SMAD5: variants seen among roughly 807,000 people sequenced by gnomAD.
The protein encoded by SMAD5 is MAD, mothers against decapentaplegic homolog 5.
SMAD5 carries 9 observed loss-of-function variants against 43.1 expected under a neutral mutation model. That is an observed-to-expected ratio of 0.21 (90% CI 0.13 to 0.36). The LOEUF (loss-of-function observed/expected upper bound fraction) is 0.36. SMAD5 is among the 10% of genes least tolerant of loss of function. The pLI is 1.00. For synonymous variants in SMAD5, 190 were observed against 192.4 expected (o/e 0.99, Z 0.10); for missense variants, 348 against 574.0 (o/e 0.61, Z 4.02).
chr5:136,167,303 T>C (rs1754051985), intron 5 of SMAD5, among the ~76,000 whole-genome samples: 1 of 152,182 alleles, frequency 6.6e-6, no homozygotes, highest in Non-Finnish European at 1.5e-5. Flanking sequence ...GTATAAACTT[T>C]AAAATCTGAG....
chr5:136,158,682 G>A (rs1753723965), intron 3 of SMAD5, among the ~76,000 whole-genome samples: 1 of 152,108 alleles, frequency 6.6e-6, no homozygotes, highest in Non-Finnish European at 1.5e-5. Flanking sequence ...GGCAGATCAC[G>A]AGGTCAGGAG....
At position 136,180,855 on chromosome 5, in the gene SMAD5, T is replaced by C. The variant is rs1029378395; in HGVS notation, c.*3375T>C. 6.6e-6 allele frequency: 1 copy of C among 152,118 alleles called. No individual in the cohort carries two copies. Among genetic ancestry groups the C allele is most frequent in the African/African-American group, 2.4e-5 (1 of 41,438 alleles). 9.4% of individuals were successfully genotyped at this position (152,118 alleles called of 1,614,324 possible). A position where few individuals can be genotyped will look rare whatever the true frequency, so the allele number is the denominator to read the frequency against. ...TTTCATAACATTTGAGAGTAAGATA[T>C]CCTTCAGGATGTGAAGTGATTATTA... On this transcript the variant is annotated 3_prime_UTR_variant, in exon 8 of 8. Transcript: ENST00000545279.
At position 136,154,066 on chromosome 5, in the gene SMAD5, T is replaced by C. The variant is rs372920894; in HGVS notation, c.306T>C (p.His102=). 132 of 1,604,274 alleles carry C rather than the reference T, an allele frequency of 8.2e-5. No homozygotes were observed. Among genetic ancestry groups the C allele is most frequent in the Non-Finnish European group, 1.1e-4 (130 of 1,175,230 alleles). The change falls in exon 3 of 8, where the codon CAT becomes CAC. Residue 102 remains histidine, a synonymous_variant. Coordinates refer to ENST00000545279, the MANE Select transcript of SMAD5 (RefSeq NM_005903.7). ...GCTGGCCGGATTTGCAGAGTCATCA[T>C]GAGCTAAAGCCGTTGGATATTTGTG... ...VWRWPDLQSH[H]ELKPLDICEF...
At chr5:136,139,331 G>A (rs968620482) in intron 1 of SMAD5, among the ~76,000 whole-genome samples, 1 of 152,100 alleles carries the variant, frequency 6.6e-6, no homozygotes, top group Non-Finnish European at 1.5e-5. Flanking sequence ...TAGAAGCTTT[G>A]TGAAGCTTAG....
intron 6 of SMAD5, among the ~76,000 whole-genome samples, chr5:136,173,370 A>G (rs1173918604): frequency 6.6e-6 from 1 of 152,150 alleles, no homozygotes; most frequent in Non-Finnish European, 1.5e-5. Context: ...CCCTTGCTGC[A>G]TTTTGCTTCT....
chr5:136,148,992 C>T (rs780008665), intron 2 of SMAD5, among the ~76,000 whole-genome samples: 70 of 151,810 alleles, frequency 4.6e-4, no homozygotes, highest in Non-Finnish European at 2.8e-4. Context: ...TCACCCAGAT[C>T]AAAATATGGA....
chr5:136,173,293 G>C (rs1754290685), intron 6 of SMAD5, among the ~76,000 whole-genome samples: 1 of 152,190 alleles, frequency 6.6e-6, no homozygotes, highest in Admixed American at 6.5e-5. Flanking sequence ...CATGCATCAA[G>C]TGATCAGGAA....
intron 1 of SMAD5, among the ~76,000 whole-genome samples, chr5:136,138,446 T>C (rs1752960028): frequency 6.6e-6 from 1 of 152,222 alleles, no homozygotes; most frequent in African/African-American, 2.4e-5. Flanking sequence ...TAGATGTTCT[T>C]ATAAAGAATA....
Position 136,161,100 on chromosome 5 carries a change from G to C in SMAD5, c.648G>C (p.Gln216His). ...GTTCTGGACCAGGAAGTCCATTTCA[G>C]CTCCCAGGTAAGACTTTATTTTATT... The part of the protein sequence containing the change: ...PASSGPGSPF[Q>H]LPADTPPPAY... The change falls in exon 4 of 8, where the codon CAG becomes CAC. Residue 216 changes from glutamine to histidine, a missense_variant. By Grantham distance (24) the Gln-to-His change is conservative. Transcript: ENST00000545279. 1.2e-6 allele frequency: 2 copies of C among 1,612,204 alleles called. No individual in the cohort carries two copies. The highest frequency in any genetic ancestry group is 1.1e-5 in the South Asian group (1 of 90,930).
At chr5:136,144,836 G>C (rs915305756) in intron 1 of SMAD5, among the ~76,000 whole-genome samples, 1 of 151,816 alleles carries the variant, frequency 6.6e-6, no homozygotes, top group Non-Finnish European at 1.5e-5. Flanking sequence ...AAAGTACCAA[G>C]GATACAAATC....
At chr5:136,133,595 ACTT>A (rs1752760538) in intron 1 of SMAD5, 1 of 152,200 alleles carries the variant, frequency 6.6e-6, no homozygotes, top group Admixed American at 6.5e-5. Context: ...CTTCATGTAA[ACTT>A]CTCTGTGCTG....
rs1006620223 is a variant in SMAD5, at chr5:136,181,289, C to T, written c.*3809C>T. On this transcript the variant is annotated 3_prime_UTR_variant, in exon 8 of 8. Transcript: ENST00000545279. Reference sequence around the variant, plus strand: ...TGTGATGACTTATATTTTGGACTTACATTTTAACTTTAAAGAATGTCAGAT... The same window carrying T: ...TGTGATGACTTATATTTTGGACTTATATTTTAACTTTAAAGAATGTCAGAT... The T allele has an allele frequency of 6.6e-6, 1 of 152,066 alleles. No individual in the cohort carries two copies. 9.4% of individuals were successfully genotyped at this position (152,066 alleles called of 1,614,324 possible).
At chr5:136,161,219 T>A in intron 4 of SMAD5, 112 bp downstream of exon 4, 3 of 886,840 alleles carry the variant, frequency 3.4e-6, no homozygotes, top group Non-Finnish European at 5.2e-6. Context: ...AATAGCTGTT[T>A]CTGACTCTTT....
At chr5:136,160,366 G>C in intron 3 of SMAD5, among the ~76,000 whole-genome samples, 1 of 152,090 alleles carries the variant, frequency 6.6e-6, no homozygotes, top group East Asian at 1.9e-4. Flanking sequence ...TTAACTCCTT[G>C]TTCAGTGCGT....
At chr5:136,171,299 C>T (rs1280398509) in intron 5 of SMAD5, among the ~76,000 whole-genome samples, 7 of 152,110 alleles carry the variant, frequency 4.6e-5, no homozygotes. Context: ...TAGTTAAATC[C>T]TTCAGGTCTC....
At position 136,181,115 on chromosome 5, in the gene SMAD5, C is replaced by G. The variant is rs1340906061; in HGVS notation, c.*3635C>G. The G allele has an allele frequency of 6.6e-6, 1 of 151,976 alleles. No homozygotes were observed. The highest frequency in any genetic ancestry group is 1.5e-5 in the Non-Finnish European group (1 of 67,938). The allele number at this position is 151,976 out of a possible 1,614,324, so 9.4% of individuals were successfully genotyped here. ...CTGTGATAGAGAACATCTGATGTAC[C>G]AATTTAGATCTATTTCTTTATACTT... On this transcript the variant is annotated 3_prime_UTR_variant, in exon 8 of 8. Transcript: ENST00000545279.
At position 136,161,117 on chromosome 5, in the gene SMAD5, T is replaced by C. The variant is rs773571054; in HGVS notation, c.655+10T>C. On this transcript the variant is annotated intron_variant, in intron 4 of 7. Coordinates refer to ENST00000545279, the MANE Select transcript of SMAD5 (RefSeq NM_005903.7). ...CCATTTCAGCTCCCAGGTAAGACTTTATTTTATTGATACCAAAAAAAAAAA... is the reference window on the plus strand; with the variant it reads ...CCATTTCAGCTCCCAGGTAAGACTTCATTTTATTGATACCAAAAAAAAAAA... 30 of 1,593,988 alleles carry C rather than the reference T, an allele frequency of 1.9e-5. No homozygotes were observed. Among genetic ancestry groups the C allele is most frequent in the Non-Finnish European group, 2.4e-5 (28 of 1,174,804 alleles).
At chr5:136,137,470 G>A (rs1186447817) in intron 1 of SMAD5, among the ~76,000 whole-genome samples, 3 of 152,190 alleles carry the variant, frequency 2.0e-5, no homozygotes, top group African/African-American at 7.2e-5. Flanking sequence ...AGCAACTGGA[G>A]TCTTGGGAGG....
rs1181154132 is a variant in SMAD5 at position 136,177,895 on chromosome 5, CT to C, written c.*419del. 6.5e-6 allele frequency: 1 copy of C among 153,214 alleles called. No individual in the cohort carries two copies. Among genetic ancestry groups the C allele is most frequent in the Non-Finnish European group, 1.5e-5 (1 of 68,958 alleles). 9.5% of individuals were successfully genotyped at this position (153,214 alleles called of 1,614,324 possible). A position where few individuals can be genotyped will look rare whatever the true frequency, so the allele number is the denominator to read the frequency against. On this transcript the variant is annotated 3_prime_UTR_variant, in exon 8 of 8. Coordinates refer to ENST00000545279, the MANE Select transcript of SMAD5 (RefSeq NM_005903.7). Reference sequence around the variant, plus strand: ...TACTCTCGATCTTCCAGAAGCTGTACTTTTACCAGTTTCTTTGTCCCACCAA... The same window carrying C: ...TACTCTCGATCTTCCAGAAGCTGTACTTTACCAGTTTCTTTGTCCCACCAA...
Sources: gnomAD v4.1 joint callset for allele counts (sites outside exome capture counted in the v4.1 genomes callset) on GRCh38, gnomAD v4.1.1 for gene constraint, MANE v1.5 for transcripts, NCBI Gene and HGNC (gene_info 2026-07-23, HGNC 2026-07-21) for gene names.